BCHE: variants seen among roughly 807,000 people sequenced by gnomAD.
BCHE encodes the protein cholinesterase.
Under a neutral mutation model 51.3 loss-of-function variants are expected in BCHE, and 48 were observed. The ratio of observed to expected loss-of-function variants is 0.94; its 90% confidence interval spans 0.74 to 1.19. BCHE has a LOEUF of 1.19. Among genes scored for constraint, BCHE ranks in the 50% most tolerant of loss-of-function variants. BCHE has a pLI of 0.00. For synonymous variants in BCHE, 251 were observed against 238.0 expected (o/e 1.05, Z -0.50); for missense variants, 847 against 708.2 (o/e 1.20, Z -2.23).
Position 165,794,289 on chromosome 3 carries a change from A to G in BCHE, c.1518-7978T>C, listed in dbSNP as rs1713285234. 1.3e-5 allele frequency among the ~76,000 whole-genome samples: 2 copies of G among 152,276 alleles called. 1 individual carries two copies. Among genetic ancestry groups the G allele is most frequent in the South Asian group, 4.1e-4 (2 of 4,830 alleles). Reference sequence around the variant, plus strand: ...ACCTTTTCTTTCATGGTTTTCTACAAGCTTCTAAGATGAATCTTTAAAGAT... The same window carrying G: ...ACCTTTTCTTTCATGGTTTTCTACAGGCTTCTAAGATGAATCTTTAAAGAT... On this transcript the variant is annotated intron_variant, in intron 2 of 3. Transcript: ENST00000264381.
In BCHE at chr3:165,830,421, AC is replaced by A; in HGVS notation, c.612del (p.Gln204HisfsTer7). 6.2e-7 allele frequency: 1 copy of A among 1,613,872 alleles called. No individual in the cohort carries two copies. Among genetic ancestry groups the A allele is most frequent in the Non-Finnish European group, 8.5e-7 (1 of 1,179,908 alleles). On this transcript the variant is annotated frameshift_variant, in exon 2 of 4. Coordinates refer to ENST00000264381, the MANE Select transcript of BCHE (RefSeq NM_000055.4). LOFTEE classifies it high-confidence loss of function. ...AAGGCTGCTATATTTTTTTGAACCCACTGAAGAGCCAACTGTTGATCAAATA... is the reference window on the plus strand; with the variant it reads ...AAGGCTGCTATATTTTTTTGAACCCATGAAGAGCCAACTGTTGATCAAATA... ...MGLFDQQLALQWVQKNIAAFG... is the reference protein window; with the variant it reads ...MGLFDQQLALXWVQKNIAAFG...
chr3:165,785,164 A>C (rs1187393620), intron 3 of BCHE, among the ~76,000 whole-genome samples: 1 of 151,922 alleles, frequency 6.6e-6, no homozygotes, highest in African/African-American at 2.4e-5. Context: ...TGCTGAAACT[A>C]GCCCACAACT....
chr3:165,789,528 TA>T (rs1713090333), intron 2 of BCHE, among the ~76,000 whole-genome samples: 1 of 152,228 alleles, frequency 6.6e-6, no homozygotes, highest in East Asian at 1.9e-4. Context: ...AAACGAGAAT[TA>T]AAATTATCCT....
At chr3:165,774,270 G>A (rs1235085792) in intron 3 of BCHE, among the ~76,000 whole-genome samples, 1 of 151,862 alleles carries the variant, frequency 6.6e-6, no homozygotes, top group Non-Finnish European at 1.5e-5. Flanking sequence ...TAATGCATAA[G>A]GATAACTTTT....
intron 2 of BCHE, among the ~76,000 whole-genome samples, chr3:165,793,110 T>A (rs1038692813): frequency 2.0e-5 from 3 of 152,202 alleles, no homozygotes; most frequent in African/African-American, 7.2e-5. Flanking sequence ...CCTACATCAA[T>A]GTTCTAAAGT....
intron 2 of BCHE, among the ~76,000 whole-genome samples, chr3:165,796,537 G>A (rs932623242): frequency 6.6e-6 from 1 of 152,046 alleles, no homozygotes; most frequent in Non-Finnish European, 1.5e-5. Flanking sequence ...AATGCCTTAA[G>A]CACAAAGAAA....
At chr3:165,814,697 A>G (rs1219802080) in intron 2 of BCHE, among the ~76,000 whole-genome samples, 1 of 151,990 alleles carries the variant, frequency 6.6e-6, no homozygotes, top group African/African-American at 2.4e-5. Flanking sequence ...TGTCTGACAT[A>G]CTTTTCAGCT....
At chr3:165,823,933 AC>A (rs1714622365) in intron 2 of BCHE, among the ~76,000 whole-genome samples, 1 of 79,642 alleles carries the variant, frequency 1.3e-5, no homozygotes, top group Non-Finnish European at 2.6e-5. Context: ...TACCCAACCA[AC>A]TTTTTTTTTT....
chr3:165,796,335 T>A (rs1220658236), intron 2 of BCHE, among the ~76,000 whole-genome samples: 1 of 152,004 alleles, frequency 6.6e-6, no homozygotes, highest in Non-Finnish European at 1.5e-5. Context: ...GAAGGGGAAA[T>A]AAAAACACAC....
At chr3:165,783,110 A>G (rs924734969) in intron 3 of BCHE, among the ~76,000 whole-genome samples, 1 of 149,118 alleles carries the variant, frequency 6.7e-6, no homozygotes, top group African/African-American at 2.6e-5. Context: ...ATCATAATTA[A>G]GAAACAACAA....
chr3:165,783,088 A>T (rs1277722265), intron 3 of BCHE, among the ~76,000 whole-genome samples: 2 of 151,710 alleles, frequency 1.3e-5, no homozygotes, highest in Non-Finnish European at 2.9e-5. Context: ...CTGATATTTA[A>T]TTAAGTCTGC....
chr3:165,837,255 G>C (rs1400596342), intron 1 of BCHE, 59 bp downstream of exon 1: 3 of 1,099,984 alleles, frequency 2.7e-6, no homozygotes, highest in Middle Eastern at 2.3e-4. Flanking sequence ...TCATCCCACA[G>C]AATGAGCTTT....
At chr3:165,781,698 G>A (rs1033252083) in intron 3 of BCHE, among the ~76,000 whole-genome samples, 1 of 151,832 alleles carries the variant, frequency 6.6e-6, no homozygotes, top group Admixed American at 6.6e-5. Flanking sequence ...CATGACACAC[G>A]TATACCTATG....
chr3:165,777,328 T>C (rs1274809918), intron 3 of BCHE, among the ~76,000 whole-genome samples: 1 of 150,726 alleles, frequency 6.6e-6, no homozygotes, highest in Non-Finnish European at 1.5e-5. Context: ...TAATTTACTT[T>C]TTGCCAAAGA....
intron 2 of BCHE, among the ~76,000 whole-genome samples, chr3:165,790,070 A>T (rs1051777159): frequency 1.3e-4 from 19 of 151,776 alleles, no homozygotes; most frequent in Non-Finnish European, 2.4e-4. Flanking sequence ...TGTGTGTGTG[A>T]GGGGGGGATG....
intron 2 of BCHE, among the ~76,000 whole-genome samples, chr3:165,798,738 A>T (rs1208602264): frequency 6.6e-6 from 1 of 152,164 alleles, no homozygotes; most frequent in African/African-American, 2.4e-5. Flanking sequence ...AATCCTAGCT[A>T]CTTGGGAAGC....
intron 3 of BCHE, among the ~76,000 whole-genome samples, chr3:165,777,962 A>G (rs1239201881): frequency 3.9e-5 from 6 of 152,120 alleles, no homozygotes; most frequent in Non-Finnish European, 8.8e-5. Context: ...AAATATGTTA[A>G]TCAAATGTTT....
chr3:165,787,954 AATTC>A (rs1713018313), intron 2 of BCHE, among the ~76,000 whole-genome samples: 1 of 152,094 alleles, frequency 6.6e-6, no homozygotes, highest in Non-Finnish European at 1.5e-5. Flanking sequence ...AAAGATAAGT[AATTC>A]ATTCCTTGCT....
At chr3:165,821,049 A>T (rs928646997) in intron 2 of BCHE, among the ~76,000 whole-genome samples, 7 of 151,758 alleles carry the variant, frequency 4.6e-5, no homozygotes, top group Non-Finnish European at 7.4e-5. Context: ...AAAAAGTTAG[A>T]TAGTCTCATC....
Sources: gnomAD v4.1 joint callset for allele counts (sites outside exome capture counted in the v4.1 genomes callset) on GRCh38, gnomAD v4.1.1 for gene constraint, MANE v1.5 for transcripts, NCBI Gene and HGNC (gene_info 2026-07-23, HGNC 2026-07-21) for gene names.